The following GRID2 variants were observed in gnomAD, a reference collection of about 807,000 sequenced individuals.
The protein encoded by GRID2 is glutamate ionotropic receptor delta type subunit 2, also known as glutamate receptor ionotropic, delta-2.
GRID2 carries 33 observed loss-of-function variants against 114.8 expected under a neutral mutation model. The ratio of observed to expected loss-of-function variants is 0.29; its 90% CI spans 0.22 to 0.38. The LOEUF is 0.38. GRID2 is among the 10% of genes least tolerant of loss of function. The pLI is 1.00. For synonymous variants in GRID2, 505 were observed against 449.9 expected (o/e 1.12, Z -1.55); for missense variants, 1,184 against 1,257.7 (o/e 0.94, Z 0.89).
intron 2 of GRID2, among the ~76,000 whole-genome samples, chr4:92,594,497 C>T (rs1392885365): frequency 6.6e-6 from 1 of 151,898 alleles, no homozygotes; most frequent in East Asian, 1.9e-4. Context: ...TAGAAACGAT[C>T]ATTATTTAGT....
intron 14 of GRID2, among the ~76,000 whole-genome samples, chr4:93,636,067 A>G (rs1273702441): frequency 4.6e-5 from 7 of 152,280 alleles, no homozygotes; most frequent in African/African-American, 1.7e-4. Flanking sequence ...AGGGAACACT[A>G]TATTCAAGAT....
At position 93,110,776 on chromosome 4, in the gene GRID2, C is replaced by G. The variant is rs371308613; in HGVS notation, c.558C>G (p.Asp186Glu). The change falls in exon 4 of 16, where the codon GAC (aspartate) becomes GAG (glutamate). Residue 186 changes from aspartate to glutamate, a missense_variant. Physicochemically the swap from Asp to Glu is conservative, Grantham distance 45. Around this residue, in one of 3 missense-constraint regions of GRID2, gnomAD observed 455 missense variants for 429.5 expected, o/e 1.06. Coordinates refer to ENST00000282020, the MANE Select transcript of GRID2 (RefSeq NM_001510.4). ...YDIRGIQEFL[D>E]KVSQQGMDVA... ...TCCGTGGAATACAGGAGTTCTTGGACAAAGTCTCTCAGCAGGGAATGGATG... is the reference window on the plus strand; with the variant it reads ...TCCGTGGAATACAGGAGTTCTTGGAGAAAGTCTCTCAGCAGGGAATGGATG... 2 of 1,612,302 alleles carry G rather than the reference C, an allele frequency of 1.2e-6. No homozygotes were observed. The highest frequency in any genetic ancestry group is 1.7e-6 in the Non-Finnish European group (2 of 1,178,486).
At chr4:93,035,487 A>G (rs977744382) in intron 2 of GRID2, among the ~76,000 whole-genome samples, 2 of 152,168 alleles carry the variant, frequency 1.3e-5, no homozygotes, top group African/African-American at 4.8e-5. Context: ...GTAGGTTACT[A>G]CAAGAAAGAT....
At chr4:93,158,726 C>G (rs781517458) in intron 4 of GRID2, among the ~76,000 whole-genome samples, 11 of 151,740 alleles carry the variant, frequency 7.2e-5, no homozygotes, top group Non-Finnish European at 1.0e-4. Flanking sequence ...CTCCAGCTGT[C>G]TTTGACAGAA....
chr4:93,189,071 C>A (rs762859998), intron 4 of GRID2, among the ~76,000 whole-genome samples: 7 of 152,136 alleles, frequency 4.6e-5, no homozygotes, highest in African/African-American at 1.4e-4. Flanking sequence ...TTTTCTAGCA[C>A]GTACCTTCAG....
chr4:93,758,899 A>G (rs1254449126), intron 14 of GRID2, among the ~76,000 whole-genome samples: 1 of 151,998 alleles, frequency 6.6e-6, no homozygotes. Flanking sequence ...TAACCCAAAT[A>G]TCACACTGAG....
At chr4:93,668,012 C>A (rs1724093074) in intron 14 of GRID2, among the ~76,000 whole-genome samples, 1 of 151,958 alleles carries the variant, frequency 6.6e-6, no homozygotes, top group South Asian at 2.1e-4. Flanking sequence ...TAAGATGTTT[C>A]TGTAAACTTT....
At chr4:92,581,584 A>T in intron 1 of GRID2, among the ~76,000 whole-genome samples, 1 of 152,080 alleles carries the variant, frequency 6.6e-6, no homozygotes, top group Non-Finnish European at 1.5e-5. Context: ...GGCTAAGAAA[A>T]GGGTCTTGTG....
intron 14 of GRID2, among the ~76,000 whole-genome samples, chr4:93,637,340 C>T (rs748266054): frequency 4.6e-5 from 7 of 152,228 alleles, no homozygotes; most frequent in Middle Eastern, 3.4e-3. Context: ...GAAGAGGAAA[C>T]TAAATCACAG....
At chr4:93,382,317 A>G (rs562267666) in intron 8 of GRID2, among the ~76,000 whole-genome samples, 2 of 152,098 alleles carry the variant, frequency 1.3e-5, no homozygotes, top group East Asian at 1.9e-4. Flanking sequence ...ATGGCTTCAA[A>G]TATCCTCTCT....
At chr4:93,329,579 T>A (rs1758216204) in intron 8 of GRID2, among the ~76,000 whole-genome samples, 1 of 152,132 alleles carries the variant, frequency 6.6e-6, no homozygotes, top group African/African-American at 2.4e-5. Flanking sequence ...TGGAAACTAA[T>A]AAAGAGATGA....
intron 7 of GRID2, among the ~76,000 whole-genome samples, chr4:93,232,227 A>T (rs1323111935): frequency 6.6e-6 from 1 of 152,150 alleles, no homozygotes; most frequent in East Asian, 1.9e-4. Flanking sequence ...TAATTTTTTA[A>T]AAGCTAAGAA....
intron 2 of GRID2, among the ~76,000 whole-genome samples, chr4:92,813,631 A>G (rs1189556252): frequency 6.6e-6 from 1 of 151,988 alleles, no homozygotes; most frequent in Non-Finnish European, 1.5e-5. Context: ...AGAATTCTTC[A>G]TTTAACTTCA....
intron 13 of GRID2, among the ~76,000 whole-genome samples, chr4:93,601,476 A>G (rs750827474): frequency 6.6e-6 from 1 of 152,120 alleles, no homozygotes; most frequent in Non-Finnish European, 1.5e-5. Flanking sequence ...TGCTGCATTC[A>G]ATGAGGGGCA....
intron 2 of GRID2, among the ~76,000 whole-genome samples, chr4:92,597,005 A>G (rs1051436248): frequency 1.3e-5 from 2 of 152,100 alleles, no homozygotes; most frequent in African/African-American, 4.8e-5. Context: ...TTAATAATAG[A>G]AGGAACAAGA....
At chr4:92,395,678 A>C (rs1325411768) in intron 1 of GRID2, among the ~76,000 whole-genome samples, 63 of 151,758 alleles carry the variant, frequency 4.2e-4, no homozygotes, top group Admixed American at 4.1e-3. Context: ...ATAATATCTA[A>C]AAAACTCTAG....
At chr4:92,335,403 A>G (rs1431153022) in intron 1 of GRID2, among the ~76,000 whole-genome samples, 6 of 152,240 alleles carry the variant, frequency 3.9e-5, no homozygotes, top group African/African-American at 1.4e-4. Context: ...GAATTGCTGC[A>G]AAGCACTGAG....
At chr4:92,625,511 A>G (rs1730475796) in intron 2 of GRID2, among the ~76,000 whole-genome samples, 1 of 151,866 alleles carries the variant, frequency 6.6e-6, no homozygotes, top group African/African-American at 2.4e-5. Flanking sequence ...GTTTCGATTT[A>G]TACTATGAGA....
chr4:93,617,058 C>T (rs189125140), intron 13 of GRID2, among the ~76,000 whole-genome samples: 1 of 151,714 alleles, frequency 6.6e-6, no homozygotes, highest in African/African-American at 2.4e-5. Flanking sequence ...ATAAAAGTAC[C>T]TAAAAGCTAG....
Sources: gnomAD v4.1 joint callset for allele counts (sites outside exome capture counted in the v4.1 genomes callset) on GRCh38, gnomAD v4.1.1 for gene constraint, gnomAD v4.1.1 regional missense constraint, MANE v1.5 for transcripts, NCBI Gene and HGNC (gene_info 2026-07-23, HGNC 2026-07-21) for gene names.